The following STAG1 variants were observed in gnomAD, a reference collection of about 807,000 sequenced individuals.
STAG1 encodes the protein STAG1 cohesin complex component, also known as cohesin subunit SA-1.
Under a neutral mutation model 170.9 loss-of-function variants are expected in STAG1, and 26 were observed. That is an observed-to-expected ratio of 0.15 (90% CI 0.11 to 0.21). STAG1 has a LOEUF of 0.21. Ranked by LOEUF, STAG1 falls within the 10% of genes least tolerant of loss-of-function variation. The pLI is 1.00. For synonymous variants in STAG1, 514 were observed against 497.7 expected, an observed-to-expected ratio of 1.03 and a Z score of -0.44; for missense variants, 964 against 1,509.5, an observed-to-expected ratio of 0.64 and a Z score of 5.99.
intron 9 of STAG1, among the ~76,000 whole-genome samples, chr3:136,479,539 C>T (rs1483190551): frequency 1.6e-5 from 1 of 63,592 alleles, no homozygotes; most frequent in Non-Finnish European, 3.5e-5. Context: ...AATAAACATA[C>T]GTGTGCATGT....
intron 3 of STAG1, 42 bp downstream of exon 3, chr3:136,623,104 G>A (rs371425244): frequency 4.8e-5 from 72 of 1,515,352 alleles, no homozygotes; most frequent in African/African-American, 8.4e-5. Context: ...TCATTAACAC[G>A]GTCACTATTA....
chr3:136,478,879 T>C (rs2089836029), intron 9 of STAG1, among the ~76,000 whole-genome samples: 1 of 152,140 alleles, frequency 6.6e-6, no homozygotes, highest in East Asian at 1.9e-4. Flanking sequence ...TGCTATTTAC[T>C]AGCTGTGTGA....
At chr3:136,489,165 G>T (rs985466379) in intron 9 of STAG1, among the ~76,000 whole-genome samples, 1 of 152,142 alleles carries the variant, frequency 6.6e-6, no homozygotes, top group Non-Finnish European at 1.5e-5. Context: ...ATCCTTTGTG[G>T]TAACTCTATT....
At chr3:136,478,329 A>C (rs973284506) in intron 9 of STAG1, among the ~76,000 whole-genome samples, 2 of 152,196 alleles carry the variant, frequency 1.3e-5, no homozygotes, top group Non-Finnish European at 2.9e-5. Flanking sequence ...ACCATAAGTA[A>C]GCATCCAATA....
At chr3:136,512,925 T>A (rs1158415916) in intron 7 of STAG1, among the ~76,000 whole-genome samples, 1 of 152,006 alleles carries the variant, frequency 6.6e-6, no homozygotes, top group African/African-American at 2.4e-5. Context: ...ATGTCCAATA[T>A]GAATTACAGT....
chr3:136,574,652 T>C (rs1003337911), intron 4 of STAG1, among the ~76,000 whole-genome samples: 6 of 152,190 alleles, frequency 3.9e-5, no homozygotes, highest in African/African-American at 1.4e-4. Flanking sequence ...CATTAAATTT[T>C]AACACCAAAT....
intron 3 of STAG1, among the ~76,000 whole-genome samples, chr3:136,608,180 C>G (rs1458765799): frequency 6.6e-6 from 1 of 151,764 alleles, no homozygotes; most frequent in African/African-American, 2.4e-5. Flanking sequence ...TCGCTTGAAC[C>G]TAGGAGGCAG....
At chr3:136,396,217 T>G (rs1422056462) in intron 22 of STAG1, among the ~76,000 whole-genome samples, 2 of 144,094 alleles carry the variant, frequency 1.4e-5, no homozygotes, top group South Asian at 2.3e-4. Flanking sequence ...CAGTTTTTTT[T>G]TTTTTTTTTT....
chr3:136,368,682 T>C (rs974433050), intron 24 of STAG1, among the ~76,000 whole-genome samples: 1 of 152,164 alleles, frequency 6.6e-6, no homozygotes, highest in Non-Finnish European at 1.5e-5. Flanking sequence ...AATTATGCTA[T>C]ATCTACATAA....
rs1935690729 is a variant in STAG1, at chr3:136,336,649, C to CT, written c.*1604dup. 1 of 152,202 alleles carries CT rather than the reference C, an allele frequency of 6.6e-6. No homozygotes were observed. The highest frequency in any genetic ancestry group is 1.9e-4 in the East Asian group (1 of 5,192). The allele number at this position is 152,202 out of a possible 1,614,324, so 9.4% of individuals were successfully genotyped here. On this transcript the variant is annotated 3_prime_UTR_variant, in exon 34 of 34. Transcript: ENST00000383202. ...GAAAGTGAGGCCCCAGCTCCCCTAACTGGAGCCCAAGAATTGCTGAATTAG... is the reference window on the plus strand; with the variant it reads ...GAAAGTGAGGCCCCAGCTCCCCTAACTTGGAGCCCAAGAATTGCTGAATTAG...
intron 12 of STAG1, among the ~76,000 whole-genome samples, chr3:136,469,716 G>A (rs953423770): frequency 5.4e-4 from 82 of 152,198 alleles, no homozygotes; most frequent in African/African-American, 1.9e-3. Flanking sequence ...GAGGCATCAG[G>A]CTATCTGACT....
At chr3:136,456,864 G>A (rs2089127479) in intron 13 of STAG1, among the ~76,000 whole-genome samples, 2 of 152,148 alleles carry the variant, frequency 1.3e-5, no homozygotes, top group African/African-American at 4.8e-5. Flanking sequence ...TATATTCAAA[G>A]TTTTGAAGAA....
intron 6 of STAG1, among the ~76,000 whole-genome samples, chr3:136,532,768 CA>C (rs1553741577): frequency 1.3e-5 from 2 of 152,122 alleles, no homozygotes. Flanking sequence ...GAATATACCT[CA>C]AAATAACAAA....
intron 7 of STAG1, among the ~76,000 whole-genome samples, chr3:136,512,992 C>G (rs118095625): frequency 0.011 from 1,666 of 152,214 alleles, 27 homozygotes; most frequent in East Asian, 0.045. Flanking sequence ...AAGAAAACCT[C>G]AGAGAAATAA....
intron 1 of STAG1, among the ~76,000 whole-genome samples, chr3:136,744,194 G>A (rs917457508): frequency 5.3e-5 from 8 of 152,214 alleles, no homozygotes; most frequent in South Asian, 2.1e-4. Context: ...AGACATGGTG[G>A]TGCATCCCTG....
intron 2 of STAG1, 55 bp downstream of exon 2, chr3:136,630,815 A>T (rs1326092165): frequency 1.6e-6 from 2 of 1,241,664 alleles, no homozygotes; most frequent in Non-Finnish European, 2.3e-6. Context: ...TAAAGAAATA[A>T]GTTGTCCAAA....
chr3:136,673,123 T>C (rs1025817067), intron 1 of STAG1, among the ~76,000 whole-genome samples: 2 of 152,220 alleles, frequency 1.3e-5, no homozygotes, highest in Admixed American at 6.5e-5. Flanking sequence ...CAAAACAACA[T>C]AGAGAGTTAC....
chr3:136,422,893 T>A, intron 17 of STAG1, 36 bp from the exon 18 acceptor site: 1 of 1,593,318 alleles, frequency 6.3e-7, no homozygotes, highest in East Asian at 2.2e-5. Context: ...CAGTAACTAC[T>A]TTAATAGTAC....
chr3:136,377,386 C>CAAAAAAAAAAAA (rs57934830), intron 23 of STAG1, among the ~76,000 whole-genome samples: 580 of 42,506 alleles, frequency 0.014, 180 homozygotes, highest in African/African-American at 0.02. Context: ...GACTCTGTCT[C>CAAAAAAAAAAAA]AAAAAAAAAA....
Sources: gnomAD v4.1 joint callset for allele counts (sites outside exome capture counted in the v4.1 genomes callset) on GRCh38, gnomAD v4.1.1 for gene constraint, MANE v1.5 for transcripts, NCBI Gene and HGNC (gene_info 2026-07-23, HGNC 2026-07-21) for gene names.